Variants in SUPT3H observed in about 807,000 individuals in gnomAD.
SUPT3H encodes transcription initiation protein SPT3 homolog.
In SUPT3H, 44 loss-of-function variants were observed where a neutral mutation model predicts 44.3. That is an observed-to-expected ratio of 0.99 (90% CI 0.78 to 1.28). The LOEUF (loss-of-function observed/expected upper bound fraction) is 1.28, where lower values mean the gene tolerates loss of function less well. SUPT3H is among the 50% of genes most tolerant of loss of function. The probability of loss-of-function intolerance (pLI) is 0.00; values close to 1 mark genes in which losing one functional copy is unlikely to be tolerated. For missense variants in SUPT3H, 380 were observed against 387.1 expected (o/e 0.98, Z 0.15); for synonymous variants, 124 against 125.6 (o/e 0.99, Z 0.09).
chr6:44,959,220 C>T (rs1305553695), intron 7 of SUPT3H, among the ~76,000 whole-genome samples: 1 of 151,780 alleles, frequency 6.6e-6, no homozygotes, highest in Non-Finnish European at 1.5e-5. Context: ...AACTTTACGT[C>T]ATGGATGTAT....
intron 2 of SUPT3H, among the ~76,000 whole-genome samples, chr6:45,224,637 G>A (rs1584355360): frequency 6.6e-6 from 1 of 151,966 alleles, no homozygotes; most frequent in East Asian, 1.9e-4. Flanking sequence ...AATCAGCTGG[G>A]CGTGGTGGTG....
intron 6 of SUPT3H, among the ~76,000 whole-genome samples, chr6:44,996,442 GA>G (rs1355196282): frequency 1.3e-5 from 2 of 151,344 alleles, no homozygotes; most frequent in African/African-American, 4.8e-5. Flanking sequence ...TTGTGTTTTT[GA>G]AACAGACATA....
chr6:44,997,370 A>AT (rs1311379012), intron 6 of SUPT3H, among the ~76,000 whole-genome samples: 2 of 151,608 alleles, frequency 1.3e-5, no homozygotes, highest in Middle Eastern at 3.2e-3. Flanking sequence ...TTTCTTTTAC[A>AT]TTTTTTGTTA....
At chr6:44,811,279 A>G (rs1766500355) in intron 11 of SUPT3H, among the ~76,000 whole-genome samples, 1 of 152,214 alleles carries the variant, frequency 6.6e-6, no homozygotes, top group Non-Finnish European at 1.5e-5. Flanking sequence ...ATGATGCTCA[A>G]GATTAGAAGG....
chr6:45,329,571 C>G (rs1421603346), intron 2 of SUPT3H, among the ~76,000 whole-genome samples: 5 of 151,886 alleles, frequency 3.3e-5, no homozygotes, highest in African/African-American at 1.2e-4. Flanking sequence ...AACACTGAAA[C>G]GTCTAAGATT....
At chr6:44,889,117 G>T (rs1762836453) in intron 10 of SUPT3H, among the ~76,000 whole-genome samples, 1 of 151,646 alleles carries the variant, frequency 6.6e-6, no homozygotes, top group African/African-American at 2.4e-5. Flanking sequence ...AAATAAAAGA[G>T]GATACAAACA....
Position 45,296,162 on chromosome 6 carries a change from C to G in SUPT3H, c.101+69039G>C, listed in dbSNP as rs114668758. Among the ~76,000 whole-genome samples the G allele has an allele frequency of 5.4e-3, 793 of 147,634 alleles. 5 individuals are homozygous for G. Among genetic ancestry groups the G allele is most frequent in the African/African-American group, 0.019 (740 of 39,464 alleles). On this transcript the variant is annotated intron_variant, in intron 2 of 10. Transcript: ENST00000371459. ...ATATACATATACATACACACATATA[C>G]ATACATATATACATACACATACTAC...
intron 2 of SUPT3H, among the ~76,000 whole-genome samples, chr6:45,123,577 T>C (rs1432030099): frequency 2.0e-5 from 3 of 151,926 alleles, no homozygotes; most frequent in African/African-American, 7.3e-5. Context: ...AATTAAAAAT[T>C]TGTACTATTA....
intron 6 of SUPT3H, among the ~76,000 whole-genome samples, chr6:44,998,281 A>C (rs1409732861): frequency 6.6e-6 from 1 of 151,738 alleles, no homozygotes; most frequent in Non-Finnish European, 1.5e-5. Flanking sequence ...GTTTAAAAAA[A>C]TTTGTCATTT....
chr6:45,075,433 C>T (rs1230595266), intron 3 of SUPT3H, among the ~76,000 whole-genome samples: 5 of 152,076 alleles, frequency 3.3e-5, no homozygotes, highest in Non-Finnish European at 5.9e-5. Flanking sequence ...ATTTCCAACA[C>T]AACAGTATTA....
At chr6:44,880,262 T>C (rs776832568) in intron 10 of SUPT3H, among the ~76,000 whole-genome samples, 9 of 151,934 alleles carry the variant, frequency 5.9e-5, no homozygotes, top group Non-Finnish European at 1.2e-4. Flanking sequence ...AAACACAGCA[T>C]GAGAACTTCA....
chr6:44,844,653 T>C (rs1016614520), intron 10 of SUPT3H, among the ~76,000 whole-genome samples: 4 of 152,192 alleles, frequency 2.6e-5, no homozygotes, highest in Non-Finnish European at 4.4e-5. Flanking sequence ...GGTACATATA[T>C]ACAATTTGCA....
intron 2 of SUPT3H, among the ~76,000 whole-genome samples, chr6:45,228,680 A>C (rs1349207671): frequency 1.3e-5 from 2 of 152,032 alleles, no homozygotes; most frequent in Non-Finnish European, 2.9e-5. Context: ...ATGGAGTCTC[A>C]CTTTGTGGCT....
chr6:44,891,053 A>AACC (rs1333184736), intron 10 of SUPT3H, among the ~76,000 whole-genome samples: 1 of 151,904 alleles, frequency 6.6e-6, no homozygotes, highest in Non-Finnish European at 1.5e-5. Flanking sequence ...GGGTGCAGGA[A>AACC]ACCACCATGG....
chr6:45,019,711 C>A (rs76719321), intron 4 of SUPT3H, among the ~76,000 whole-genome samples: 1 of 151,918 alleles, frequency 6.6e-6, no homozygotes, highest in Non-Finnish European at 1.5e-5. Context: ...CTAAGACTGC[C>A]TCACCCTGGG....
At chr6:45,269,473 G>A (rs58398217) in intron 2 of SUPT3H, among the ~76,000 whole-genome samples, 25,996 of 152,072 alleles carry the variant, frequency 0.17, 3,323 homozygotes, top group African/African-American at 0.36. Context: ...CAATTTGAGA[G>A]TCTACTAAGC....
chr6:45,360,546 T>A (rs1399672710), intron 2 of SUPT3H, among the ~76,000 whole-genome samples: 1 of 152,204 alleles, frequency 6.6e-6, no homozygotes, highest in Non-Finnish European at 1.5e-5. Flanking sequence ...CAGGGCTCTC[T>A]AAAGTCAGAT....
At chr6:45,241,133 T>C (rs1235674294) in intron 2 of SUPT3H, among the ~76,000 whole-genome samples, 2 of 152,182 alleles carry the variant, frequency 1.3e-5, no homozygotes, top group African/African-American at 2.4e-5. Context: ...CTGCGAGAAG[T>C]AGCTCACCGT....
At chr6:44,858,394 A>C (rs1774084930) in intron 10 of SUPT3H, among the ~76,000 whole-genome samples, 1 of 152,182 alleles carries the variant, frequency 6.6e-6, no homozygotes, top group Admixed American at 6.5e-5. Flanking sequence ...AGGAAGGTGC[A>C]TTTGTGCCAT....
Sources: allele counts gnomAD v4.1 joint callset (sites outside exome capture counted in the v4.1 genomes callset), GRCh38; gene constraint gnomAD v4.1.1; transcripts MANE v1.5; gene names NCBI Gene and HGNC (gene_info 2026-07-23, HGNC 2026-07-21).